SDK1: variants seen among roughly 807,000 people sequenced by gnomAD.
The protein encoded by SDK1 is sidekick cell adhesion molecule 1, also known as protein sidekick-1.
Under a neutral mutation model 245.5 loss-of-function variants are expected in SDK1, and 157 were observed. The observed-to-expected ratio is 0.64, with a 90% CI of 0.56 to 0.73. SDK1 has a LOEUF of 0.73. SDK1 is among the 30% of genes least tolerant of loss of function. The pLI is 0.00. For synonymous variants in SDK1, 1,647 were observed against 1,278.5 expected (o/e 1.29, Z -6.15); for missense variants, 3,583 against 3,002.3 (o/e 1.19, Z -4.52).
At chr7:3,839,940 C>T (rs1780116802) in intron 5 of SDK1, among the ~76,000 whole-genome samples, 2 of 152,148 alleles carry the variant, frequency 1.3e-5, no homozygotes, top group Admixed American at 1.3e-4. Flanking sequence ...TCAAATAAAA[C>T]TCTGAATTGA....
At chr7:3,455,533 G>A (rs1261608173) in intron 1 of SDK1, among the ~76,000 whole-genome samples, 8 of 151,796 alleles carry the variant, frequency 5.3e-5, no homozygotes, top group Admixed American at 5.3e-4. Flanking sequence ...ACTGTATGTT[G>A]AAAAGACCAT....
intron 5 of SDK1, among the ~76,000 whole-genome samples, chr7:3,862,962 T>A (rs1444598259): frequency 6.6e-6 from 1 of 151,864 alleles, no homozygotes; most frequent in Non-Finnish European, 1.5e-5. Context: ...CGCTGGCTGA[T>A]CTGACAGGAG....
intron 1 of SDK1, among the ~76,000 whole-genome samples, chr7:3,453,500 C>T (rs529517465): frequency 1.3e-5 from 2 of 152,236 alleles, no homozygotes; most frequent in East Asian, 1.9e-4. Flanking sequence ...TACAAATATC[C>T]ATATGAGAGA....
At chr7:3,729,002 T>C (rs967174365) in intron 4 of SDK1, among the ~76,000 whole-genome samples, 1 of 152,202 alleles carries the variant, frequency 6.6e-6, no homozygotes, top group Non-Finnish European at 1.5e-5. Context: ...GAATATAGGA[T>C]GCCAACGGTG....
chr7:3,637,426 C>G (rs1782494685), intron 2 of SDK1, among the ~76,000 whole-genome samples: 1 of 152,198 alleles, frequency 6.6e-6, no homozygotes, highest in Non-Finnish European at 1.5e-5. Flanking sequence ...TAGCTCTTAG[C>G]TATATAGTTT....
chr7:3,970,253 A>G (rs146977323), intron 11 of SDK1, among the ~76,000 whole-genome samples: 3 of 152,360 alleles, frequency 2.0e-5, no homozygotes, highest in Non-Finnish European at 2.9e-5. Context: ...ATTCTTCCAG[A>G]AAAAGTAAAT....
rs772186781 is a variant in SDK1, at chr7:3,619,221, C to A, written c.440C>A (p.Thr147Asn). The A allele has an allele frequency of 8.1e-6, 13 of 1,610,514 alleles. No individual in the cohort carries two copies. In the South Asian group the frequency reaches 1.3e-4, roughly 16 times the overall value. ...KWMRDDSELT[T>N]YSSEYKYIIP... is the part of the protein sequence containing the mutation. ...ATGCGCGATGACAGTGAGCTCACCACCTACAGCAGCGAATATAAGTAATTG... is the reference window on the plus strand; with the variant it reads ...ATGCGCGATGACAGTGAGCTCACCAACTACAGCAGCGAATATAAGTAATTG... The change falls in exon 2 of 45, where the codon ACC (threonine) becomes AAC (asparagine). Residue 147 changes from threonine to asparagine, a missense_variant. Transcript: ENST00000404826.
At chr7:3,458,297 T>C (rs191362251) in intron 1 of SDK1, among the ~76,000 whole-genome samples, 1 of 152,284 alleles carries the variant, frequency 6.6e-6, no homozygotes, top group East Asian at 1.9e-4. Flanking sequence ...CTCTTTTCTC[T>C]TTCTGAAATT....
intron 41 of SDK1, among the ~76,000 whole-genome samples, chr7:4,235,360 C>T (rs1786093052): frequency 1.3e-5 from 2 of 152,144 alleles, no homozygotes; most frequent in East Asian, 3.9e-4. Context: ...TACAGGGTTT[C>T]ACCCTGTTGG....
intron 14 of SDK1, among the ~76,000 whole-genome samples, chr7:3,993,148 T>C (rs1446409660): frequency 1.3e-5 from 2 of 152,234 alleles, no homozygotes; most frequent in African/African-American, 4.8e-5. Context: ...GAGTCGGCAT[T>C]GCACAGTGTT....
At chr7:3,787,524 C>T (rs964612427) in intron 4 of SDK1, among the ~76,000 whole-genome samples, 1 of 151,892 alleles carries the variant, frequency 6.6e-6, no homozygotes, top group South Asian at 2.1e-4. Flanking sequence ...TCTAGAAAAA[C>T]TAATGGCATT....
chr7:3,537,944 C>G (rs1168347012), intron 1 of SDK1, among the ~76,000 whole-genome samples: 1 of 152,184 alleles, frequency 6.6e-6, no homozygotes, highest in Non-Finnish European at 1.5e-5. Context: ...GAGTGAACCT[C>G]CAGTGCTCCT....
chr7:3,697,609 A>C (rs1422790226), intron 4 of SDK1, among the ~76,000 whole-genome samples: 2 of 152,132 alleles, frequency 1.3e-5, no homozygotes, highest in South Asian at 4.1e-4. Flanking sequence ...GACCATCTTC[A>C]TCCCCAAATC....
intron 1 of SDK1, among the ~76,000 whole-genome samples, chr7:3,602,463 A>G (rs1781283352): frequency 6.6e-6 from 1 of 152,148 alleles, no homozygotes; most frequent in African/African-American, 2.4e-5. Context: ...TTTTGGCTGC[A>G]TAAATGTCTT....
rs998062516 is a variant in SDK1, at chr7:3,409,078, C to T, written c.298+107194C>T. ...ATAACTGTGGTTAGCTTCTTTTCCCCCTCACCCTTGAGATATGAGTTGGCT... is the reference window on the plus strand; with the variant it reads ...ATAACTGTGGTTAGCTTCTTTTCCCTCTCACCCTTGAGATATGAGTTGGCT... On this transcript the variant is annotated intron_variant, in intron 1 of 44. Coordinates refer to ENST00000404826, the MANE Select transcript of SDK1 (RefSeq NM_152744.4). Among the ~76,000 whole-genome samples the T allele has an allele frequency of 2.0e-5, 3 of 152,248 alleles. No homozygotes were observed. In the East Asian group the frequency reaches 5.8e-4, roughly 29 times the overall value.
At chr7:3,933,123 CTTTTT>C (rs11364780) in intron 5 of SDK1, among the ~76,000 whole-genome samples, 1 of 83,256 alleles carries the variant, frequency 1.2e-5, no homozygotes, top group African/African-American at 5.6e-5. Context: ...GCTCCTGGAT[CTTTTT>C]TTTTTTTTTT....
chr7:3,662,295 C>G (rs1783389367), intron 4 of SDK1, among the ~76,000 whole-genome samples: 1 of 152,108 alleles, frequency 6.6e-6, no homozygotes, highest in African/African-American at 2.4e-5. Context: ...ATCTGAACAT[C>G]TCACAATACT....
intron 1 of SDK1, among the ~76,000 whole-genome samples, chr7:3,586,560 C>T (rs901815997): frequency 6.6e-6 from 1 of 151,216 alleles, no homozygotes; most frequent in Non-Finnish European, 1.5e-5. Context: ...AAAAAATTAG[C>T]TGGGCATTGT....
chr7:3,868,949 C>T (rs1342635081), intron 5 of SDK1, among the ~76,000 whole-genome samples: 1 of 152,104 alleles, frequency 6.6e-6, no homozygotes, highest in Non-Finnish European at 1.5e-5. Context: ...TAAATGACTA[C>T]ATTACATTGT....
Sources: allele counts gnomAD v4.1 joint callset (sites outside exome capture counted in the v4.1 genomes callset), GRCh38; gene constraint gnomAD v4.1.1; transcripts MANE v1.5; gene names NCBI Gene and HGNC (gene_info 2026-07-23, HGNC 2026-07-21).